The following RAI2 variants were observed in gnomAD, a reference collection of about 807,000 sequenced individuals.
RAI2 encodes retinoic acid-induced protein 2.
Under a neutral mutation model 15.3 loss-of-function variants are expected in RAI2, and 5 were observed. The ratio of observed to expected loss-of-function variants is 0.33; its 90% CI spans 0.17 to 0.69. RAI2 has a LOEUF of 0.69. Ranked by LOEUF, RAI2 falls within the 30% of genes least tolerant of loss-of-function variation. The pLI is 0.69. For synonymous variants in RAI2, 191 were observed against 184.0 expected, an observed-to-expected ratio of 1.04 and a Z score of -0.31; for missense variants, 424 against 424.7, an observed-to-expected ratio of 1.00 and a Z score of 0.01.
At chrX:17,814,934 CTAATAATAATAA>C (rs527628476) in intron 1 of RAI2, among the ~76,000 whole-genome samples, 2 of 106,258 alleles carry the variant, frequency 1.9e-5, no homozygotes, top group Middle Eastern at 5.0e-3. Context: ...TGCATGCTGC[CTAATAATAATAA>C]TAATAATAAT....
At chrX:17,846,170 G>A (rs1297305090) in intron 1 of RAI2, among the ~76,000 whole-genome samples, 4 of 112,259 alleles carry the variant, frequency 3.6e-5, no homozygotes, top group Admixed American at 1.9e-4. Context: ...ACTGATGCCA[G>A]TTCAGGTGGA....
chrX:17,844,819 C>T (rs2067438173), intron 1 of RAI2, among the ~76,000 whole-genome samples: 1 of 112,294 alleles, frequency 8.9e-6, no homozygotes, highest in African/African-American at 3.2e-5. Context: ...TCCTTCAGGG[C>T]ACTGGTGACA....
At chrX:17,842,932 G>A (rs2067416019) in intron 1 of RAI2, among the ~76,000 whole-genome samples, 2 of 111,752 alleles carry the variant, frequency 1.8e-5, no homozygotes, top group Non-Finnish European at 1.9e-5. Flanking sequence ...ATGTCAGCCA[G>A]ACAGCTATGC....
chrX:17,816,794 A>G (rs1481071973), intron 1 of RAI2, among the ~76,000 whole-genome samples: 5 of 111,517 alleles, frequency 4.5e-5, no homozygotes, highest in East Asian at 2.8e-4. Context: ...TTCCTGGACT[A>G]CATTTTCCAG....
At chrX:17,812,147 CCAT>C (rs1211301023) in intron 1 of RAI2, among the ~76,000 whole-genome samples, 1 of 111,500 alleles carries the variant, frequency 9.0e-6, no homozygotes, top group Non-Finnish European at 1.9e-5. Context: ...ATTGTCAGTG[CCAT>C]CATCATCATT....
intron 1 of RAI2, among the ~76,000 whole-genome samples, chrX:17,817,694 T>G (rs1220823415): frequency 8.9e-6 from 1 of 112,295 alleles, no homozygotes; most frequent in Non-Finnish European, 1.9e-5. Context: ...ACCTGGGAAG[T>G]TGGCACACCT....
At chrX:17,821,742 A>C (rs2067167050) in intron 1 of RAI2, among the ~76,000 whole-genome samples, 3 of 111,694 alleles carry the variant, frequency 2.7e-5, no homozygotes, top group Non-Finnish European at 3.8e-5. Flanking sequence ...ACAAAGGCTC[A>C]GAAAAGGTGA....
intron 1 of RAI2, among the ~76,000 whole-genome samples, chrX:17,826,409 A>G (rs1482551954): frequency 2.7e-5 from 3 of 110,231 alleles, no homozygotes; most frequent in Non-Finnish European, 1.9e-5. Context: ...TGTCTCTTCT[A>G]CTTAACCTGG....
At chrX:17,850,114 G>C (rs1017381419) in intron 1 of RAI2, among the ~76,000 whole-genome samples, 2 of 112,088 alleles carry the variant, frequency 1.8e-5, no homozygotes, top group African/African-American at 3.2e-5. Flanking sequence ...GAAATGGGCT[G>C]GGAAAGTAGA....
At chrX:17,846,822 G>A (rs1437897463) in intron 1 of RAI2, among the ~76,000 whole-genome samples, 1 of 112,028 alleles carries the variant, frequency 8.9e-6, no homozygotes, top group Non-Finnish European at 1.9e-5. Flanking sequence ...AATATGATTT[G>A]GCTATGTCCC....
chrX:17,801,541 T>C lies in RAI2; in HGVS notation c.470A>G (p.Gln157Arg), dbSNP rs1195050219. ...SSSTIHNNLF[Q>R]GAEDPEAQPQ... ...CTGGGCCTCGGGGTCCTCCGCTCCC[T>C]GGAAGAGGTTGTTGTGGATGGTACT... The change falls in exon 2 of 2, where the codon CAG becomes CGG. Residue 157 changes from glutamine (Q) to arginine (R), a missense_variant. Transcript: ENST00000451717. The C allele has an allele frequency of 2.5e-6, 3 of 1,204,590 alleles. No homozygotes were observed. The highest frequency in any genetic ancestry group is 3.0e-5 in the East Asian group (1 of 33,742).
chrX:17,835,183 C>A (rs181095553), intron 1 of RAI2, among the ~76,000 whole-genome samples: 1 of 112,093 alleles, frequency 8.9e-6, no homozygotes, highest in Non-Finnish European at 1.9e-5. Context: ...AGTAACATAG[C>A]GAAGTCAGGA....
In RAI2 at chrX:17,854,559, T is replaced by C. The variant is rs756500255; in HGVS notation, c.-25+6539A>G. Among the ~76,000 whole-genome samples, 4 of 111,472 alleles carry C rather than the reference T, an allele frequency of 3.6e-5. No homozygotes were observed. The South Asian group carries it at 1.5e-3, about 43-fold the overall frequency. On this transcript the variant is annotated intron_variant, in intron 1 of 1. Transcript: ENST00000451717. ...CTGACAGCTACACCATTTCAACCCT[T>C]CCAGGCCTCCATTTCTTTCTCTGAA... is the stretch of plus-strand genomic sequence containing the variant.
At chrX:17,847,077 T>G (rs1289348040) in intron 1 of RAI2, among the ~76,000 whole-genome samples, 1 of 111,937 alleles carries the variant, frequency 8.9e-6, no homozygotes, top group Non-Finnish European at 1.9e-5. Context: ...TCCCCAGCCA[T>G]GTGGAACTGT....
chrX:17,815,117 T>TA (rs1403443821), intron 1 of RAI2, among the ~76,000 whole-genome samples: 3 of 111,012 alleles, frequency 2.7e-5, no homozygotes, highest in African/African-American at 9.8e-5. Context: ...TTGAAGTCCC[T>TA]AAAAACTCAC....
At chrX:17,855,862 A>G (rs1257445913) in intron 1 of RAI2, among the ~76,000 whole-genome samples, 1 of 112,703 alleles carries the variant, frequency 8.9e-6, no homozygotes, top group Non-Finnish European at 1.9e-5. Context: ...AAGCTTATTA[A>G]TGAGCTATTT....
At chrX:17,825,530 GC>G (rs2147243293) in intron 1 of RAI2, among the ~76,000 whole-genome samples, 1 of 112,581 alleles carries the variant, frequency 8.9e-6, no homozygotes, top group African/African-American at 3.2e-5. Context: ...GTCACAGGCA[GC>G]CCTTGGCCTC....
chrX:17,804,975 A>C (rs996999315), intron 1 of RAI2, among the ~76,000 whole-genome samples: 3 of 113,044 alleles, frequency 2.7e-5, no homozygotes, highest in Non-Finnish European at 5.6e-5. Context: ...CCTCCCATGG[A>C]TGGCAAGAGC....
chrX:17,809,895 G>A lies in RAI2; in HGVS notation c.-24-7861C>T, dbSNP rs181798747. Among the ~76,000 whole-genome samples the A allele has an allele frequency of 2.7e-5, 3 of 111,492 alleles. 1 individual carries two copies. The East Asian group carries it at 8.4e-4, about 31-fold the overall frequency. On this transcript the variant is annotated intron_variant, in intron 1 of 1. Coordinates refer to ENST00000451717, the MANE Select transcript of RAI2 (RefSeq NM_021785.6). ...CAACCCTCCTGCCTCAGCCTCCTAA[G>A]TAGCTGGGACTACAGGTGTGTGCCA...
Sources: allele counts gnomAD v4.1 joint callset (sites outside exome capture counted in the v4.1 genomes callset), GRCh38; gene constraint gnomAD v4.1.1; transcripts MANE v1.5; gene names NCBI Gene and HGNC (gene_info 2026-07-23, HGNC 2026-07-21).